Variants in SPATA17 observed in about 807,000 individuals in gnomAD.
SPATA17 encodes the protein spermatogenesis-associated protein 17.
In SPATA17, 53 loss-of-function variants were observed where a neutral mutation model predicts 62.2. The observed-to-expected ratio is 0.85, with a 90% confidence interval of 0.68 to 1.07. SPATA17 has a LOEUF of 1.07. Ranked by LOEUF, SPATA17 falls within the 50% of genes least tolerant of loss-of-function variation. The pLI is 0.00. For missense variants in SPATA17, 466 were observed against 425.5 expected (o/e 1.10, Z -0.84); for synonymous variants, 146 against 146.8 (o/e 0.99, Z 0.04).
chr1:217,792,788 G>A, intron 8 of SPATA17, among the ~76,000 whole-genome samples: 1 of 152,004 alleles, frequency 6.6e-6, no homozygotes, highest in Non-Finnish European at 1.5e-5. Flanking sequence ...AGTTTTTTTT[G>A]TGAGAGTAGA....
chr1:217,827,790 C>G (rs1349967873), intron 9 of SPATA17, among the ~76,000 whole-genome samples: 1 of 152,054 alleles, frequency 6.6e-6, no homozygotes, highest in Admixed American at 6.5e-5. Flanking sequence ...GAACAGAAAA[C>G]CAAACACCAC....
At chr1:217,838,812 C>T (rs977434211) in intron 9 of SPATA17, among the ~76,000 whole-genome samples, 1 of 151,954 alleles carries the variant, frequency 6.6e-6, no homozygotes, top group Admixed American at 6.6e-5. Flanking sequence ...ATTGAAGTAG[C>T]TTTCTAGGTT....
At chr1:217,653,225 T>A (rs1670365226) in intron 3 of SPATA17, among the ~76,000 whole-genome samples, 1 of 152,220 alleles carries the variant, frequency 6.6e-6, no homozygotes, top group South Asian at 2.1e-4. Flanking sequence ...TTTTGAAGCT[T>A]GTCTTTCTTA....
At chr1:217,739,944 C>T (rs1387953880) in intron 5 of SPATA17, among the ~76,000 whole-genome samples, 1 of 151,892 alleles carries the variant, frequency 6.6e-6, no homozygotes, top group Non-Finnish European at 1.5e-5. Flanking sequence ...TAAGTGTTTT[C>T]TTTATATGCT....
At chr1:217,789,191 A>G (rs1157012199) in intron 8 of SPATA17, among the ~76,000 whole-genome samples, 1 of 152,210 alleles carries the variant, frequency 6.6e-6, no homozygotes, top group Non-Finnish European at 1.5e-5. Context: ...ACAAAAAAGT[A>G]TTAATTTACT....
chr1:217,689,249 A>C (rs1413544332), intron 5 of SPATA17, among the ~76,000 whole-genome samples: 1 of 112,312 alleles, frequency 8.9e-6, no homozygotes, highest in African/African-American at 3.3e-5. Context: ...TTTTTGAGAC[A>C]GAGTCTCGCT....
At chr1:217,721,169 G>C (rs764880355) in intron 5 of SPATA17, among the ~76,000 whole-genome samples, 140 of 152,140 alleles carry the variant, frequency 9.2e-4, no homozygotes, top group Non-Finnish European at 1.7e-3. Flanking sequence ...ACTGGCATGG[G>C]AGAGGGAAAA....
chr1:217,743,775 A>G (rs1045353452), intron 6 of SPATA17, among the ~76,000 whole-genome samples: 2 of 151,850 alleles, frequency 1.3e-5, no homozygotes, highest in African/African-American at 4.8e-5. Context: ...ATGCCAGGCT[A>G]ATTTTTGTAT....
intron 5 of SPATA17, among the ~76,000 whole-genome samples, chr1:217,707,975 A>C (rs922782238): frequency 6.6e-6 from 1 of 152,202 alleles, no homozygotes; most frequent in Non-Finnish European, 1.5e-5. Flanking sequence ...CAATGAAATT[A>C]AGGCTGGAAT....
In SPATA17 at chr1:217,690,487, T is replaced by A. The variant is rs1221577967; in HGVS notation, c.395+7126T>A. On this transcript the variant is annotated intron_variant, in intron 5 of 10. Coordinates refer to ENST00000366933, the MANE Select transcript of SPATA17 (RefSeq NM_138796.4). ...TTTTATTTTTTATTTTTTTTTTTTT[T>A]AATTATTTTTTTTTATTATACTTTA... 1.4e-3 allele frequency among the ~76,000 whole-genome samples: 204 copies of A among 141,236 alleles called. 1 individual carries two copies. Among genetic ancestry groups the A allele is most frequent in the Non-Finnish European group, 2.2e-3 (144 of 64,520 alleles). The allele number at this position is 141,236 out of a possible 152,430, so 92.7% of individuals were successfully genotyped here.
intron 8 of SPATA17, among the ~76,000 whole-genome samples, chr1:217,782,826 T>TA (rs1270002936): frequency 3.3e-5 from 5 of 151,610 alleles, no homozygotes; most frequent in Non-Finnish European, 7.4e-5. Context: ...ATTTTAAATT[T>TA]TTTTTAGCAT....
intron 1 of SPATA17, among the ~76,000 whole-genome samples, chr1:217,632,098 G>A (rs1669802703): frequency 1.3e-5 from 2 of 152,018 alleles, no homozygotes; most frequent in Non-Finnish European, 2.9e-5. Context: ...CAGGAGAATC[G>A]CTTGAACCTG....
chr1:217,643,685 G>A (rs541633509), intron 1 of SPATA17, among the ~76,000 whole-genome samples: 11 of 151,134 alleles, frequency 7.3e-5, no homozygotes, highest in Non-Finnish European at 1.6e-4. Context: ...AAGTGAGGAG[G>A]AAGAGGAAGA....
intron 5 of SPATA17, among the ~76,000 whole-genome samples, chr1:217,693,451 T>G (rs1323742477): frequency 2.2e-5 from 3 of 135,856 alleles, no homozygotes; most frequent in African/African-American, 5.6e-5. Flanking sequence ...AGCTCCTGGA[T>G]TCATTGATTT....
intron 1 of SPATA17, among the ~76,000 whole-genome samples, chr1:217,641,941 A>G (rs1164008273): frequency 1.3e-5 from 2 of 152,162 alleles, no homozygotes; most frequent in African/African-American, 4.8e-5. Context: ...TTAATATGGT[A>G]CATTTTCTCA....
chr1:217,679,973 C>T (rs1431886055), intron 4 of SPATA17, among the ~76,000 whole-genome samples: 1 of 152,042 alleles, frequency 6.6e-6, no homozygotes, highest in Non-Finnish European at 1.5e-5. Context: ...CTCAGTATGC[C>T]AACATGCATC....
chr1:217,633,140 G>A (rs758333358), intron 1 of SPATA17, among the ~76,000 whole-genome samples: 1 of 152,116 alleles, frequency 6.6e-6, no homozygotes, highest in Non-Finnish European at 1.5e-5. Flanking sequence ...AGAGGTTGTA[G>A]TGAGCCGAGA....
At chr1:217,849,413 A>C (rs1271809170) in intron 9 of SPATA17, among the ~76,000 whole-genome samples, 1 of 152,172 alleles carries the variant, frequency 6.6e-6, no homozygotes, top group Admixed American at 6.6e-5. Flanking sequence ...CTGTTGTGTT[A>C]CTTATTCTTT....
At chr1:217,753,252 C>T (rs1047814000) in intron 6 of SPATA17, among the ~76,000 whole-genome samples, 5 of 152,178 alleles carry the variant, frequency 3.3e-5, no homozygotes, top group Non-Finnish European at 7.3e-5. Context: ...GTTACTTCAC[C>T]TCTGAGTGGA....
Sources: gnomAD v4.1 joint callset for allele counts (sites outside exome capture counted in the v4.1 genomes callset) on GRCh38, gnomAD v4.1.1 for gene constraint, MANE v1.5 for transcripts, NCBI Gene and HGNC (gene_info 2026-07-23, HGNC 2026-07-21) for gene names.